Variants in TPGS2 observed in about 807,000 individuals in gnomAD.
TPGS2 encodes the protein polyglutamylase subunit 2.
TPGS2 carries 26 observed loss-of-function variants against 31.1 expected under a neutral mutation model. The observed-to-expected ratio is 0.84, with a 90% confidence interval of 0.61 to 1.16. TPGS2 has a LOEUF of 1.16. Ranked by LOEUF, TPGS2 falls within the 50% of genes most tolerant of loss-of-function variation. TPGS2 has a pLI of 0.00. For missense variants in TPGS2, 351 were observed against 363.8 expected (o/e 0.96, Z 0.29); for synonymous variants, 130 against 136.6 (o/e 0.95, Z 0.34).
intron 2 of TPGS2, among the ~76,000 whole-genome samples, chr18:36,810,385 C>T (rs2045365893): frequency 6.6e-6 from 1 of 152,030 alleles, no homozygotes; most frequent in South Asian, 2.1e-4. Flanking sequence ...CAGTTACTGC[C>T]GTTTTAAAAT....
At chr18:36,780,189 C>T (rs1379067091), downstream of TPGS2, 2 of 1,231,656 alleles carry the variant, frequency 1.6e-6, no homozygotes, top group African/African-American at 1.6e-5. Flanking sequence ...ATCCTTTGGG[C>T]TGTATTTTGT....
chr18:36,810,901 C>T (rs774810923), intron 2 of TPGS2, among the ~76,000 whole-genome samples: 1 of 152,190 alleles, frequency 6.6e-6, no homozygotes, highest in Non-Finnish European at 1.5e-5. Context: ...TGTCCATTGC[C>T]TTCTACTCAC....
At chr18:36,787,342 A>G (rs1027354777) in intron 6 of TPGS2, among the ~76,000 whole-genome samples, 1 of 152,150 alleles carries the variant, frequency 6.6e-6, no homozygotes, top group African/African-American at 2.4e-5. Context: ...CCCTTCAGAG[A>G]GAGACTTCGC....
intron 2 of TPGS2, among the ~76,000 whole-genome samples, chr18:36,813,789 T>A (rs1333308141): frequency 6.6e-6 from 1 of 152,158 alleles, no homozygotes; most frequent in Non-Finnish European, 1.5e-5. Flanking sequence ...GAAGCCCCTA[T>A]GGGGAAGCTG....
chr18:36,786,639 C>G, intron 6 of TPGS2: 1 of 410,334 alleles, frequency 2.4e-6, no homozygotes, highest in Non-Finnish European at 4.2e-6. Context: ...GTCTTATGAT[C>G]TCTCTTTTAA....
At chr18:36,806,717 G>A (rs2045151786) in intron 3 of TPGS2, among the ~76,000 whole-genome samples, 1 of 151,768 alleles carries the variant, frequency 6.6e-6, no homozygotes, top group Non-Finnish European at 1.5e-5. Flanking sequence ...CGGGTGTGGT[G>A]GCACATGCCT....
intron 2 of TPGS2, among the ~76,000 whole-genome samples, chr18:36,815,736 C>T (rs571257110): frequency 1.3e-5 from 2 of 152,292 alleles, no homozygotes; most frequent in Admixed American, 1.3e-4. Flanking sequence ...ATCTTATCTT[C>T]CAAGCATCCC....
At position 36,795,071 on chromosome 18, in the gene TPGS2, G is replaced by A. The variant is rs908912852; in HGVS notation, c.*1734C>T. 1.0e-6 allele frequency: 1 copy of A among 985,438 alleles called. No individual in the cohort carries two copies. Among genetic ancestry groups the A allele is most frequent in the Non-Finnish European group, 1.2e-6 (1 of 829,942 alleles). 61.0% of individuals were successfully genotyped at this position (985,438 alleles called of 1,614,324 possible). A position where few individuals can be genotyped will look rare whatever the true frequency, so the allele number is the denominator to read the frequency against. On this transcript the variant is annotated 3_prime_UTR_variant, in exon 7 of 7. Coordinates refer to ENST00000334295, the MANE Select transcript of TPGS2 (RefSeq NM_015476.4). ...ATGGGGAAGCAGCCAGTTAGAGCTTGCCCTGATCCTTGAAGGCTAACTCTT... is the reference window on the plus strand; with the variant it reads ...ATGGGGAAGCAGCCAGTTAGAGCTTACCCTGATCCTTGAAGGCTAACTCTT...
chr18:36,786,990 G>T, intron 6 of TPGS2: 1 of 1,234,384 alleles, frequency 8.1e-7, no homozygotes, highest in Non-Finnish European at 1.0e-6. Flanking sequence ...TGCCTGCAGA[G>T]ACACAGCTCC....
At chr18:36,785,160 G>A (rs1600712256) in intron 6 of TPGS2, among the ~76,000 whole-genome samples, 1 of 152,074 alleles carries the variant, frequency 6.6e-6, no homozygotes, top group Non-Finnish European at 1.5e-5. Flanking sequence ...TTAGCTGGGC[G>A]TGGTGGCATG....
intron 3 of TPGS2, chr18:36,806,243 G>GA (rs2045127033): frequency 1.3e-5 from 2 of 152,158 alleles, no homozygotes; most frequent in Non-Finnish European, 2.9e-5. Flanking sequence ...CATGGGTATG[G>GA]AAATGGGGAT....
chr18:36,800,162 C>G (rs1015884430), intron 5 of TPGS2, 36 bp downstream of exon 5: 1 of 1,593,700 alleles, frequency 6.3e-7, no homozygotes, highest in African/African-American at 1.3e-5. Context: ...AAGACCCTAG[C>G]CAAACTACGG....
chr18:36,828,957 G>A lies in TPGS2; in HGVS notation c.-190C>T. ...GTGGGGCGCCGGTTCCCGCGGCCCC[G>A]CCCGGTGCCCCACACCGCACCTCCG... On this transcript the variant is annotated 5_prime_UTR_variant, in exon 1 of 7. Coordinates refer to ENST00000334295, the MANE Select transcript of TPGS2 (RefSeq NM_015476.4). 1 of 996,676 alleles carries A rather than the reference G, an allele frequency of 1.0e-6. No individual in the cohort carries two copies. The highest frequency in any genetic ancestry group is 1.4e-6 in the Non-Finnish European group (1 of 710,124). The allele number at this position is 996,676 out of a possible 1,614,324, so 61.7% of individuals were successfully genotyped here. A position where few individuals can be genotyped will look rare whatever the true frequency, so the allele number is the denominator to read the frequency against.
intron 3 of TPGS2, among the ~76,000 whole-genome samples, chr18:36,806,575 G>C (rs530208381): frequency 1.5e-3 from 225 of 152,176 alleles, no homozygotes; most frequent in Non-Finnish European, 2.3e-3. Flanking sequence ...ACCTCTGGCT[G>C]GGTGCGGTGC....
chr18:36,801,247 G>T (rs1021848344), intron 4 of TPGS2, among the ~76,000 whole-genome samples: 2 of 152,170 alleles, frequency 1.3e-5, no homozygotes, highest in Admixed American at 1.3e-4. Flanking sequence ...CTTCAAAAAG[G>T]ACTTTTTAAG....
chr18:36,784,918 C>T (rs1289693436), intron 6 of TPGS2, among the ~76,000 whole-genome samples: 1 of 152,170 alleles, frequency 6.6e-6, no homozygotes, highest in Non-Finnish European at 1.5e-5. Flanking sequence ...ACTGGGCTGA[C>T]TGACTTGGGA....
intron 2 of TPGS2, among the ~76,000 whole-genome samples, chr18:36,810,386 G>A (rs527787692): frequency 5.1e-4 from 77 of 151,908 alleles, no homozygotes; most frequent in Non-Finnish European, 7.6e-4. Context: ...AGTTACTGCC[G>A]TTTTAAAATT....
intron 4 of TPGS2, among the ~76,000 whole-genome samples, chr18:36,801,848 G>T (rs936646722): frequency 6.6e-6 from 1 of 152,078 alleles, no homozygotes; most frequent in Non-Finnish European, 1.5e-5. Context: ...TGGATACGTG[G>T]ATTTATAGTT....
intron 1 of TPGS2, among the ~76,000 whole-genome samples, chr18:36,828,427 G>T (rs1170972877): frequency 6.6e-6 from 1 of 152,126 alleles, no homozygotes; most frequent in African/African-American, 2.4e-5. Flanking sequence ...CGTCCTTCCT[G>T]GGTGGGACCT....
Sources: gnomAD v4.1 joint callset for allele counts (sites outside exome capture counted in the v4.1 genomes callset) on GRCh38, gnomAD v4.1.1 for gene constraint, MANE v1.5 for transcripts, NCBI Gene and HGNC (gene_info 2026-07-23, HGNC 2026-07-21) for gene names.